Variants in GRIK2 observed in about 807,000 individuals in gnomAD.
GRIK2 encodes glutamate receptor ionotropic, kainate 2.
GRIK2 carries 32 observed loss-of-function variants against 100.3 expected under a neutral mutation model. The observed-to-expected ratio is 0.32, with a 90% confidence interval of 0.24 to 0.43. The LOEUF (loss-of-function observed/expected upper bound fraction) is 0.43. GRIK2 is among the 20% of genes least tolerant of loss of function. GRIK2 has a pLI of 1.00. For synonymous variants in GRIK2, 417 were observed against 389.4 expected, an observed-to-expected ratio of 1.07 and a Z score of -0.83; for missense variants, 843 against 1,114.9, an observed-to-expected ratio of 0.76 and a Z score of 3.47.
chr6:101,649,171 T>C (rs1423181602), intron 4 of GRIK2, among the ~76,000 whole-genome samples: 2 of 152,060 alleles, frequency 1.3e-5, no homozygotes, highest in Non-Finnish European at 2.9e-5. Context: ...CTAACTGTGC[T>C]CTCTCCTCTC....
At chr6:101,460,696 T>A (rs1771261030) in intron 2 of GRIK2, among the ~76,000 whole-genome samples, 1 of 152,168 alleles carries the variant, frequency 6.6e-6, no homozygotes, top group Non-Finnish European at 1.5e-5. Flanking sequence ...ATATAGAGAA[T>A]CTTCAATTTT....
intron 2 of GRIK2, among the ~76,000 whole-genome samples, chr6:101,474,414 A>G (rs1236900856): frequency 6.6e-6 from 1 of 151,884 alleles, no homozygotes; most frequent in African/African-American, 2.4e-5. Flanking sequence ...AAATATAGGG[A>G]AAAGCTTTAA....
rs201975853 is a variant in GRIK2, at chr6:101,700,241, AATTGTT to A, written c.951+13898_951+13903del. On this transcript the variant is annotated intron_variant, in intron 7 of 16. Transcript: ENST00000369134. Reference sequence around the variant, plus strand: ...GAACTAAATTAATAATAATAATAATAATTGTTATTGTTATTATTTTAGCATCACTAA... The same window carrying A: ...GAACTAAATTAATAATAATAATAATAATTGTTATTATTTTAGCATCACTAA... Among the ~76,000 whole-genome samples the A allele has an allele frequency of 8.0e-3, 1,213 of 151,816 alleles. 8 individuals are homozygous for A. The highest frequency in any genetic ancestry group is 0.014 in the Non-Finnish European group (944 of 67,930).
At chr6:101,434,890 C>T (rs891308186) in intron 2 of GRIK2, among the ~76,000 whole-genome samples, 12 of 152,106 alleles carry the variant, frequency 7.9e-5, no homozygotes, top group Non-Finnish European at 2.9e-5. Context: ...TATTTCTCTG[C>T]AGCTGCCCCG....
intron 14 of GRIK2, among the ~76,000 whole-genome samples, chr6:102,032,170 G>C (rs1046597484): frequency 7.3e-5 from 11 of 151,260 alleles, no homozygotes; most frequent in African/African-American, 2.7e-4. Flanking sequence ...TCTGTCTGAA[G>C]TTAGGTTTCT....
chr6:101,797,688 T>G (rs200967073), intron 7 of GRIK2, among the ~76,000 whole-genome samples: 2 of 146,228 alleles, frequency 1.4e-5, no homozygotes, highest in African/African-American at 4.9e-5. Context: ...ATTATATATT[T>G]TTTTTATGTA....
intron 2 of GRIK2, among the ~76,000 whole-genome samples, chr6:101,485,256 TAG>T (rs1772758323): frequency 6.6e-6 from 1 of 152,202 alleles, no homozygotes; most frequent in African/African-American, 2.4e-5. Flanking sequence ...TTAAGTATCA[TAG>T]AGGTTAAATT....
Position 101,741,578 on chromosome 6 carries a change from A to G in GRIK2, c.951+55225A>G, listed in dbSNP as rs748121750. Among the ~76,000 whole-genome samples, 117 of 152,210 alleles carry G rather than the reference A, an allele frequency of 7.7e-4. 1 individual carries two copies. Among genetic ancestry groups the G allele is most frequent in the Admixed American group, 5.9e-4 (9 of 15,270 alleles). On this transcript the variant is annotated intron_variant, in intron 7 of 16. Transcript: ENST00000369134. ...TATTTTTTTAAAAGGGCATCAGTGGAAACGTATGGAAAGTTTATTGGGCTT... is the reference window on the plus strand; with the variant it reads ...TATTTTTTTAAAAGGGCATCAGTGGGAACGTATGGAAAGTTTATTGGGCTT...
chr6:101,659,324 A>T (rs1013141512), intron 4 of GRIK2, among the ~76,000 whole-genome samples: 3 of 151,988 alleles, frequency 2.0e-5, no homozygotes. Context: ...TTGCTTGCAG[A>T]TGTGTGATGT....
chr6:101,519,283 C>T lies in GRIK2; in HGVS notation c.116-102666C>T, dbSNP rs916138136. Among the ~76,000 whole-genome samples, 10 of 148,702 alleles carry T rather than the reference C, an allele frequency of 6.7e-5. 1 individual carries two copies. The highest frequency in any genetic ancestry group is 4.7e-4 in the Admixed American group (7 of 14,746). Reference sequence around the variant, plus strand: ...GTGGAACATAAAGCAGCCCTAATGGCGCATTGCGGAGTTAAACGTGTGTGT... The same window carrying T: ...GTGGAACATAAAGCAGCCCTAATGGTGCATTGCGGAGTTAAACGTGTGTGT... On this transcript the variant is annotated intron_variant, in intron 2 of 16. Transcript: ENST00000369134.
Position 101,981,545 on chromosome 6 carries a change from G to A in GRIK2, c.2085+52913G>A, listed in dbSNP as rs1474750631. On this transcript the variant is annotated intron_variant, in intron 14 of 16. Coordinates refer to ENST00000369134, the MANE Select transcript of GRIK2 (RefSeq NM_021956.5). ...TTTAATTCAAAGATTTTACAATTTA[G>A]TAAAGGTTTCAGCTATGTAATACAG... 2.6e-5 allele frequency among the ~76,000 whole-genome samples: 4 copies of A among 151,990 alleles called. No individual in the cohort carries two copies. In the South Asian group the frequency reaches 6.2e-4, roughly 24 times the overall value.
chr6:101,760,344 ATATAATTAAT>A (rs1777433670), intron 7 of GRIK2, among the ~76,000 whole-genome samples: 1 of 106,266 alleles, frequency 9.4e-6, no homozygotes, highest in Non-Finnish European at 1.7e-5. Flanking sequence ...TATTTATTAT[ATATAATTAAT>A]TATATTTAAT....
intron 2 of GRIK2, among the ~76,000 whole-genome samples, chr6:101,595,720 A>G (rs9485519): frequency 0.12 from 14,438 of 119,568 alleles, 797 homozygotes; most frequent in Admixed American, 0.17. Context: ...GTGTGTGTGT[A>G]TATATATATA....
intron 9 of GRIK2, among the ~76,000 whole-genome samples, chr6:101,810,331 A>G (rs1781250677): frequency 6.6e-6 from 1 of 152,052 alleles, no homozygotes. Flanking sequence ...TAAAATAAAA[A>G]TCTTAAATGA....
At chr6:101,524,962 A>C (rs1227341445) in intron 2 of GRIK2, among the ~76,000 whole-genome samples, 1 of 151,954 alleles carries the variant, frequency 6.6e-6, no homozygotes, top group Non-Finnish European at 1.5e-5. Context: ...CGAACTCCTG[A>C]CTTCAGGCGA....
chr6:101,406,740 T>C lies in GRIK2; in HGVS notation c.115+7348T>C, dbSNP rs548142681. On this transcript the variant is annotated intron_variant, in intron 2 of 16. Transcript: ENST00000369134. ...AAGTTAAATGACATTTGATACACAG[T>C]CTTTTTCAAATTTACCGCCAGACAT... Among the ~76,000 whole-genome samples the C allele has an allele frequency of 4.9e-4, 74 of 152,284 alleles. No homozygotes were observed. In the South Asian group the frequency reaches 0.015, roughly 31 times the overall value.
chr6:101,569,434 A>G (rs1777433161), intron 2 of GRIK2, among the ~76,000 whole-genome samples: 1 of 149,640 alleles, frequency 6.7e-6, no homozygotes, highest in Non-Finnish European at 1.5e-5. Context: ...TATGGCTGAT[A>G]CCTTGAAATC....
intron 7 of GRIK2, among the ~76,000 whole-genome samples, chr6:101,782,857 C>CTCTTTTTTTTT (rs1779182178): frequency 7.6e-6 from 1 of 130,818 alleles, no homozygotes. Context: ...ACTCAAATCT[C>CTCTTTTTTTTT]TTTTTTTTTT....
At chr6:101,648,850 C>G (rs1295348306) in intron 4 of GRIK2, among the ~76,000 whole-genome samples, 2 of 151,998 alleles carry the variant, frequency 1.3e-5, no homozygotes, top group Non-Finnish European at 2.9e-5. Context: ...CTCACAGTTC[C>G]ACTTGGCTGG....
Sources: allele counts gnomAD v4.1 joint callset (sites outside exome capture counted in the v4.1 genomes callset), GRCh38; gene constraint gnomAD v4.1.1; transcripts MANE v1.5; gene names NCBI Gene and HGNC (gene_info 2026-07-23, HGNC 2026-07-21).